The following RBM26 variants were observed in gnomAD, a reference collection of about 807,000 sequenced individuals.
The protein encoded by RBM26 is RNA-binding protein 26.
RBM26 carries 30 observed loss-of-function variants against 123.6 expected under a neutral mutation model. That is an observed-to-expected ratio of 0.24 (90% CI 0.18 to 0.33). The LOEUF is 0.33. Ranked by LOEUF, RBM26 falls within the 10% of genes least tolerant of loss-of-function variation. RBM26 has a pLI of 1.00. For synonymous variants in RBM26, 400 were observed against 404.4 expected (o/e 0.99, Z 0.13); for missense variants, 947 against 1,203.6 (o/e 0.79, Z 3.15).
intron 17 of RBM26, 131 bp downstream of exon 17, chr13:79,342,533 G>T: frequency 1.5e-6 from 1 of 647,332 alleles, no homozygotes; most frequent in Non-Finnish European, 2.7e-6. Flanking sequence ...TTTATGGCAG[G>T]GGGAGAATGG....
downstream of RBM26, chr13:79,314,547 TC>T (rs2066998132): frequency 6.6e-6 from 1 of 152,228 alleles, no homozygotes; most frequent in African/African-American, 2.4e-5. Flanking sequence ...TATCTTAAGA[TC>T]CCCCCAAAAT....
chr13:79,333,982 C>A (rs986896339), intron 20 of RBM26, among the ~76,000 whole-genome samples: 1 of 152,020 alleles, frequency 6.6e-6, no homozygotes, highest in Non-Finnish European at 1.5e-5. Context: ...CCTTATCCCT[C>A]ACCACTCATT....
intron 3 of RBM26, among the ~76,000 whole-genome samples, chr13:79,374,144 T>C (rs532095074): frequency 6.6e-6 from 1 of 152,190 alleles, no homozygotes; most frequent in South Asian, 2.1e-4. Context: ...TGTTCCAGCA[T>C]CCTTTTGATA....
intron 3 of RBM26, among the ~76,000 whole-genome samples, chr13:79,374,494 A>G (rs559403344): frequency 3.9e-5 from 6 of 152,290 alleles, no homozygotes; most frequent in Admixed American, 3.9e-4. Flanking sequence ...CTCAAAAAAC[A>G]AACAAAAAAA....
intron 18 of RBM26, among the ~76,000 whole-genome samples, chr13:79,339,409 G>C (rs1199555978): frequency 6.6e-6 from 1 of 152,028 alleles, no homozygotes; most frequent in Non-Finnish European, 1.5e-5. Flanking sequence ...AGAGAGTAGA[G>C]TTTAAATGTT....
Position 79,405,835 on chromosome 13 carries a change from C to T in RBM26, c.-61G>A, listed in dbSNP as rs1399314660. On this transcript the variant is annotated 5_prime_UTR_variant, in exon 1 of 22. Coordinates refer to ENST00000438737, the MANE Select transcript of RBM26 (RefSeq NM_001366735.2). Reference sequence around the variant, plus strand: ...CCGCCCAGGTCGCGGCCGCTACAGCCGCCGCTGCCCCCGCCCCCTCCTCCG... The same window carrying T: ...CCGCCCAGGTCGCGGCCGCTACAGCTGCCGCTGCCCCCGCCCCCTCCTCCG... 9.2e-7 allele frequency: 1 copy of T among 1,088,982 alleles called. No homozygotes were observed. The highest frequency in any genetic ancestry group is 2.5e-5 in the Admixed American group (1 of 40,318). The allele number at this position is 1,088,982 out of a possible 1,614,324, so 67.5% of individuals were successfully genotyped here. A position where few individuals can be genotyped will look rare whatever the true frequency, so the allele number is the denominator to read the frequency against.
intron 1 of RBM26, 97 bp from the exon 2 acceptor site, chr13:79,379,004 GT>G: frequency 1.3e-6 from 1 of 756,442 alleles, no homozygotes; most frequent in Non-Finnish European, 2.2e-6. Flanking sequence ...AGTTAAGTGA[GT>G]TAATACATGT....
chr13:79,338,858 T>A (rs1034337243), intron 18 of RBM26, among the ~76,000 whole-genome samples: 2 of 152,164 alleles, frequency 1.3e-5, no homozygotes, highest in African/African-American at 4.8e-5. Flanking sequence ...AGGAGTAACA[T>A]ATATAAAATT....
In RBM26 at chr13:79,372,818, T is replaced by TAATAAATATTTTATATA. The variant is rs1555330345; in HGVS notation, c.328-905_328-889dup. On this transcript the variant is annotated intron_variant, in intron 3 of 21. Coordinates refer to ENST00000438737, the MANE Select transcript of RBM26 (RefSeq NM_001366735.2). ...ATTATAATTATATGATATATATTTA[T>TAATAAATATTTTATATA]AATAAATATTTTATATAAATATATT... Among the ~76,000 whole-genome samples the TAATAAATATTTTATATA allele has an allele frequency of 2.5e-3, 224 of 88,724 alleles. 6 individuals carry two copies. The highest frequency in any genetic ancestry group is 0.017 in the African/African-American group (183 of 10,512). 58.2% of individuals were successfully genotyped at this position (88,724 alleles called of 152,430 possible).
chr13:79,387,562 TAA>T (rs5805031), intron 1 of RBM26, among the ~76,000 whole-genome samples: 222 of 146,050 alleles, frequency 1.5e-3, no homozygotes, highest in Admixed American at 2.3e-3. Context: ...TTTACTCATT[TAA>T]AAAAAAAAAA....
At chr13:79,316,139 A>G (rs1375086779), downstream of RBM26, among the ~76,000 whole-genome samples, 1 of 150,610 alleles carries the variant, frequency 6.6e-6, no homozygotes, top group Non-Finnish European at 1.5e-5. Context: ...CCAGAATTTC[A>G]CGCAGGAAAT....
downstream of RBM26, among the ~76,000 whole-genome samples, chr13:79,318,045 T>A (rs1215166278): frequency 2.0e-5 from 3 of 151,554 alleles, no homozygotes; most frequent in Admixed American, 1.3e-4. Context: ...ATAAACCAGA[T>A]AAATTATATT....
At chr13:79,314,403 A>T (rs954931714), downstream of RBM26, 2 of 151,804 alleles carry the variant, frequency 1.3e-5, no homozygotes, top group African/African-American at 4.8e-5. Context: ...TTTTTAAAAA[A>T]ATATTTGGGT....
At chr13:79,335,927 G>A (rs1209858063) in intron 19 of RBM26, among the ~76,000 whole-genome samples, 3 of 152,048 alleles carry the variant, frequency 2.0e-5, no homozygotes, top group Non-Finnish European at 4.4e-5. Context: ...TTATTTCCAA[G>A]CTCCTTTCTA....
At chr13:79,391,438 T>G (rs368111167) in intron 1 of RBM26, among the ~76,000 whole-genome samples, 20 of 152,326 alleles carry the variant, frequency 1.3e-4, no homozygotes, top group African/African-American at 3.1e-4. Context: ...GTGTGTGTGT[T>G]TTTTTGAGAC....
intron 18 of RBM26, among the ~76,000 whole-genome samples, chr13:79,339,815 A>G (rs1055921491): frequency 1.1e-4 from 16 of 152,202 alleles, no homozygotes; most frequent in African/African-American, 3.6e-4. Context: ...TAGCCTAAGA[A>G]CCTTTTTTCA....
At chr13:79,332,646 T>G (rs1438573528) in intron 20 of RBM26, among the ~76,000 whole-genome samples, 1 of 152,170 alleles carries the variant, frequency 6.6e-6, no homozygotes, top group African/African-American at 2.4e-5. Context: ...AATAGGTAAT[T>G]CTCATTAGAC....
chr13:79,385,149 G>T (rs2077377375), intron 1 of RBM26, among the ~76,000 whole-genome samples: 1 of 152,162 alleles, frequency 6.6e-6, no homozygotes, highest in South Asian at 2.1e-4. Flanking sequence ...TCAAAGTCAT[G>T]ATTTTATATT....
At chr13:79,395,945 G>A (rs991493061) in intron 1 of RBM26, among the ~76,000 whole-genome samples, 1 of 151,346 alleles carries the variant, frequency 6.6e-6, no homozygotes, top group African/African-American at 2.4e-5. Context: ...AGTGACCAAT[G>A]AACTTTCCAA....
Sources: gnomAD v4.1 joint callset for allele counts (sites outside exome capture counted in the v4.1 genomes callset) on GRCh38, gnomAD v4.1.1 for gene constraint, MANE v1.5 for transcripts, NCBI Gene and HGNC (gene_info 2026-07-23, HGNC 2026-07-21) for gene names.